Variants in ARHGEF38 observed in about 807,000 individuals in gnomAD.
ARHGEF38 encodes the protein Rho guanine nucleotide exchange factor 38, also known as Rho guanine nucleotide exchange factor (GEF) 38.
Under a neutral mutation model 79.9 loss-of-function variants are expected in ARHGEF38, and 79 were observed. The ratio of observed to expected loss-of-function variants is 0.99; its 90% CI spans 0.82 to 1.19. ARHGEF38 has a LOEUF of 1.19. ARHGEF38 is among the 50% of genes most tolerant of loss of function. ARHGEF38 has a pLI of 0.00. For missense variants in ARHGEF38, 962 were observed against 907.2 expected, an observed-to-expected ratio of 1.06 and a Z score of -0.78; for synonymous variants, 366 against 328.3, an observed-to-expected ratio of 1.11 and a Z score of -1.24.
intron 2 of ARHGEF38, among the ~76,000 whole-genome samples, chr4:105,595,475 T>G (rs917831952): frequency 6.6e-5 from 10 of 152,070 alleles, no homozygotes; most frequent in Admixed American, 2.0e-4. Flanking sequence ...CTAGAAAAAA[T>G]ATATAGAGGA....
rs181323559 is a variant in ARHGEF38, at chr4:105,561,929, G to C, written c.196+8968G>C. Among the ~76,000 whole-genome samples the C allele has an allele frequency of 2.2e-3, 340 of 152,274 alleles. 2 individuals carry two copies. The highest frequency in any genetic ancestry group is 0.021 in the South Asian group (103 of 4,824). On this transcript the variant is annotated intron_variant, in intron 1 of 13. Coordinates refer to ENST00000420470, the MANE Select transcript of ARHGEF38 (RefSeq NM_001242729.2). ...GGTTGGGGAAAGAAATTGTGGAAAA[G>C]TGACTAGGAAATACATGGGAGAAGC...
intron 2 of ARHGEF38, among the ~76,000 whole-genome samples, chr4:105,591,255 G>A (rs1391203123): frequency 1.3e-5 from 2 of 152,072 alleles, no homozygotes; most frequent in African/African-American, 4.8e-5. Context: ...TTGTGACAGA[G>A]TCTCGCTCTG....
At chr4:105,561,469 A>AGAATGGAATAGAATG (rs1491172509) in intron 1 of ARHGEF38, 3 of 49,684 alleles carry the variant, frequency 6.0e-5, no homozygotes, top group South Asian at 7.5e-4. Context: ...AGAATAGAAT[A>AGAATGGAATAGAATG]GAATAGAATA....
At chr4:105,591,700 C>T (rs1180004649) in intron 2 of ARHGEF38, among the ~76,000 whole-genome samples, 2 of 152,194 alleles carry the variant, frequency 1.3e-5, no homozygotes, top group African/African-American at 4.8e-5. Context: ...CAGTTTGCCT[C>T]ATGACTTTTA....
At chr4:105,561,439 A>AGAATGGAATGGAATGGAATG (rs1725556797) in intron 1 of ARHGEF38, among the ~76,000 whole-genome samples, 3 of 44,724 alleles carry the variant, frequency 6.7e-5, no homozygotes, top group Non-Finnish European at 8.7e-5. Context: ...AGAATAGAAT[A>AGAATGGAATGGAATGGAATG]GAATAGAATG....
intron 1 of ARHGEF38, among the ~76,000 whole-genome samples, chr4:105,575,229 C>T (rs975295134): frequency 6.6e-6 from 1 of 152,076 alleles, no homozygotes; most frequent in Non-Finnish European, 1.5e-5. Flanking sequence ...AAGGAATCTC[C>T]ATACTATTTT....
chr4:105,670,736 A>G (rs1372198467), intron 13 of ARHGEF38, among the ~76,000 whole-genome samples: 3 of 152,222 alleles, frequency 2.0e-5, no homozygotes, highest in Non-Finnish European at 4.4e-5. Context: ...ATGAATTTTT[A>G]TCAGTGAAAT....
rs937552691 is a variant in ARHGEF38 at position 105,622,297 on chromosome 4, G to A, written c.509-8601G>A. On this transcript the variant is annotated intron_variant, in intron 3 of 13. Coordinates refer to ENST00000420470, the MANE Select transcript of ARHGEF38 (RefSeq NM_001242729.2). ...GGACCTGCGAAAAGTCACATATTGC[G>A]CAGGATACACATAGAAATACATTTC... is the stretch of plus-strand genomic sequence containing the variant. Among the ~76,000 whole-genome samples the A allele has an allele frequency of 1.6e-4, 25 of 152,086 alleles. 1 individual carries two copies. Among genetic ancestry groups the A allele is most frequent in the Non-Finnish European group, 3.7e-4 (25 of 68,030 alleles).
chr4:105,591,775 C>T (rs1474889245), intron 2 of ARHGEF38, among the ~76,000 whole-genome samples: 4 of 152,250 alleles, frequency 2.6e-5, no homozygotes, highest in African/African-American at 7.2e-5. Context: ...TTTAATCCCC[C>T]ACAGTTCCCA....
intron 5 of ARHGEF38, among the ~76,000 whole-genome samples, chr4:105,641,390 C>A (rs1223616163): frequency 6.6e-6 from 1 of 152,040 alleles, no homozygotes; most frequent in African/African-American, 2.4e-5. Flanking sequence ...GGTTACTATT[C>A]ATTTATCTCC....
rs1729549819 is a variant in ARHGEF38, at chr4:105,639,894, T to C, written c.674+3474T>C. Among the ~76,000 whole-genome samples the C allele has an allele frequency of 2.0e-5, 3 of 152,210 alleles. No homozygotes were observed. In the South Asian group the frequency reaches 6.2e-4, roughly 32 times the overall value. ...AAAGAACTTTTTATTAAAAATGATA[T>C]ATAGCCCTGTTTCAATAGCCAAATC... is the stretch of plus-strand genomic sequence containing the variant. On this transcript the variant is annotated intron_variant, in intron 5 of 13. Coordinates refer to ENST00000420470, the MANE Select transcript of ARHGEF38 (RefSeq NM_001242729.2).
At chr4:105,567,517 G>A (rs550864702) in intron 1 of ARHGEF38, among the ~76,000 whole-genome samples, 30 of 152,276 alleles carry the variant, frequency 2.0e-4, no homozygotes, top group Admixed American at 1.9e-3. Flanking sequence ...GTCAGCTGTT[G>A]AACACAATTA....
intron 1 of ARHGEF38, among the ~76,000 whole-genome samples, chr4:105,559,245 C>T (rs977719654): frequency 1.3e-5 from 2 of 152,138 alleles, no homozygotes; most frequent in African/African-American, 2.4e-5. Context: ...ACCTTCACTT[C>T]TAGACTGTTT....
chr4:105,645,222 A>C lies in ARHGEF38; in HGVS notation c.709A>C (p.Met237Leu). 6.5e-7 allele frequency: 1 copy of C among 1,532,426 alleles called. No individual in the cohort carries two copies. Among genetic ancestry groups the C allele is most frequent in the Non-Finnish European group, 8.7e-7 (1 of 1,145,478 alleles). The allele number at this position is 1,532,426 out of a possible 1,614,324, so 94.9% of individuals were successfully genotyped here. A position where few individuals can be genotyped will look rare whatever the true frequency, so the allele number is the denominator to read the frequency against. Residue 237 changes from methionine to leucine, a missense_variant, in exon 6 of 14, where the codon ATG becomes CTG. Physicochemically the swap from Met to Leu is conservative, Grantham distance 15. Coordinates refer to ENST00000420470, the MANE Select transcript of ARHGEF38 (RefSeq NM_001242729.2). Reference protein sequence around the residue: ...KPNLLDMGSLMIKPIQRVMKY... With the variant: ...KPNLLDMGSLLIKPIQRVMKY... ...AAACTTATTGGACATGGGCTCTTTG[A>C]TGATCAAACCAATTCAACGTGTGAT...
intron 4 of ARHGEF38, 73 bp from the exon 5 acceptor site, chr4:105,636,330 G>A (rs1729397060): frequency 4.0e-6 from 1 of 250,234 alleles, no homozygotes; most frequent in Non-Finnish European, 6.9e-6. Context: ...AATTTAAAAG[G>A]ATTTATAATG....
At chr4:105,568,697 C>T (rs1384511467) in intron 1 of ARHGEF38, among the ~76,000 whole-genome samples, 1 of 152,038 alleles carries the variant, frequency 6.6e-6, no homozygotes, top group Non-Finnish European at 1.5e-5. Context: ...TTGTGTTCTC[C>T]ACAGTCAAAT....
chr4:105,636,967 G>A (rs370142143), intron 5 of ARHGEF38, among the ~76,000 whole-genome samples: 2 of 152,094 alleles, frequency 1.3e-5, no homozygotes, highest in East Asian at 1.9e-4. Context: ...TAGAAAAACA[G>A]CGTATACAAA....
chr4:105,644,239 A>ATT (rs1729745191), intron 5 of ARHGEF38, among the ~76,000 whole-genome samples: 1 of 152,208 alleles, frequency 6.6e-6, no homozygotes, highest in African/African-American at 2.4e-5. Context: ...CTATTCTAAT[A>ATT]ATATGGTCAG....
Position 105,613,492 on chromosome 4 carries a change from G to A in ARHGEF38, c.493G>A (p.Ala165Thr), listed in dbSNP as rs769829606. 51 of 1,612,594 alleles carry A rather than the reference G, an allele frequency of 3.2e-5. No individual in the cohort carries two copies. In the Admixed American group the frequency reaches 6.8e-4, roughly 22 times the overall value. ...LEEATTDVEP[A>T]MQVIGEVFLQ... is the part of the protein sequence containing the mutation. ...AGAGGCCACAACAGACGTGGAACCG[G>A]CCATGCAAGTAATTGGTATGTTTAT... Residue 165 changes from alanine to threonine, a missense_variant, in exon 3 of 14, where the codon GCC becomes ACC. Transcript: ENST00000420470.
Sources: allele counts gnomAD v4.1 joint callset (sites outside exome capture counted in the v4.1 genomes callset), GRCh38; gene constraint gnomAD v4.1.1; transcripts MANE v1.5; gene names NCBI Gene and HGNC (gene_info 2026-07-23, HGNC 2026-07-21).